UBR3: variants seen among roughly 807,000 people sequenced by gnomAD.
The protein encoded by UBR3 is E3 ubiquitin-protein ligase UBR3.
UBR3 carries 85 observed loss-of-function variants against 243.2 expected under a neutral mutation model. The ratio of observed to expected loss-of-function variants is 0.35; its 90% CI spans 0.29 to 0.42. The LOEUF is 0.42. Among genes scored for constraint, UBR3 ranks in the 10% least tolerant of loss-of-function variants. UBR3 has a pLI of 1.00. For synonymous variants in UBR3, 748 were observed against 799.8 expected (o/e 0.94, Z 1.09); for missense variants, 1,686 against 2,300.8 (o/e 0.73, Z 5.47).
chr2:169,858,833 C>G (rs1337258445), intron 1 of UBR3, among the ~76,000 whole-genome samples: 1 of 152,130 alleles, frequency 6.6e-6, no homozygotes, highest in African/African-American at 2.4e-5. Flanking sequence ...CTCCTGACCT[C>G]AAGTGATCCA....
intron 20 of UBR3, among the ~76,000 whole-genome samples, chr2:169,945,534 C>G (rs182434390): frequency 6.6e-6 from 1 of 152,228 alleles, no homozygotes; most frequent in African/African-American, 2.4e-5. Flanking sequence ...GCTATCTCGC[C>G]CACAATTAAA....
At chr2:169,834,569 A>G (rs1473954210) in intron 1 of UBR3, among the ~76,000 whole-genome samples, 1 of 152,232 alleles carries the variant, frequency 6.6e-6, no homozygotes, top group Non-Finnish European at 1.5e-5. Context: ...ATATGGTGGT[A>G]TCAGTGTTTC....
chr2:170,016,260 A>G (rs895790208), intron 30 of UBR3, among the ~76,000 whole-genome samples: 1 of 151,928 alleles, frequency 6.6e-6, no homozygotes, highest in South Asian at 2.1e-4. Context: ...AATTTCTAAC[A>G]TAAAAGCAAA....
At chr2:169,955,290 A>T (rs1402132952) in intron 23 of UBR3, among the ~76,000 whole-genome samples, 1 of 152,170 alleles carries the variant, frequency 6.6e-6, no homozygotes, top group African/African-American at 2.4e-5. Flanking sequence ...CCCAATTCAT[A>T]TCAACTTTAT....
At chr2:169,976,720 T>G (rs4667612) in intron 24 of UBR3, among the ~76,000 whole-genome samples, 29 of 152,020 alleles carry the variant, frequency 1.9e-4, no homozygotes, top group African/African-American at 5.6e-4. Context: ...CAATTTGACT[T>G]TGTTTGCCTT....
At chr2:169,864,861 C>T (rs1365700722) in intron 1 of UBR3, among the ~76,000 whole-genome samples, 7 of 147,014 alleles carry the variant, frequency 4.8e-5, no homozygotes, top group Non-Finnish European at 1.0e-4. Flanking sequence ...GAGCCAAGAT[C>T]GCGCCACTGC....
At chr2:170,045,891 A>G (rs1295815549) in intron 32 of UBR3, among the ~76,000 whole-genome samples, 2 of 152,122 alleles carry the variant, frequency 1.3e-5, no homozygotes, top group Non-Finnish European at 1.5e-5. Context: ...GAACACAATT[A>G]AAAATGAACA....
At position 169,861,192 on chromosome 2, in the gene UBR3, A is replaced by T. The variant is rs145471193; in HGVS notation, c.546-11044A>T. Among the ~76,000 whole-genome samples the T allele has an allele frequency of 3.3e-5, 5 of 152,310 alleles. No individual in the cohort carries two copies. In the South Asian group the frequency reaches 6.2e-4, roughly 19 times the overall value. On this transcript the variant is annotated intron_variant, in intron 1 of 38. Coordinates refer to ENST00000272793, the MANE Select transcript of UBR3 (RefSeq NM_172070.4). ...ACTCAAATGTTAATCTCCTTGGGCA[A>T]TACTCTCACAGATACACCCAGGAAC...
At chr2:169,838,784 A>G (rs770969525) in intron 1 of UBR3, among the ~76,000 whole-genome samples, 2 of 152,178 alleles carry the variant, frequency 1.3e-5, no homozygotes, top group Admixed American at 1.3e-4. Context: ...AGTCTCATCT[A>G]AACATCATTT....
chr2:170,014,096 A>C (rs2090163686), intron 29 of UBR3: 1 of 286,140 alleles, frequency 3.5e-6, no homozygotes, highest in Admixed American at 4.3e-5. Context: ...TATCGGTGTT[A>C]AATTGCTTTT....
chr2:169,940,086 T>A (rs575702160), intron 19 of UBR3, among the ~76,000 whole-genome samples: 8 of 152,318 alleles, frequency 5.3e-5, no homozygotes, highest in South Asian at 4.1e-4. Context: ...CATACATGTA[T>A]ACAATGTGTA....
intron 31 of UBR3, among the ~76,000 whole-genome samples, chr2:170,036,455 A>T (rs1026197539): frequency 2.0e-5 from 3 of 151,946 alleles, no homozygotes; most frequent in African/African-American, 7.2e-5. Context: ...GGCTATTTTT[A>T]TCTTATCAGC....
chr2:169,898,035 C>T (rs1481310055), intron 8 of UBR3, among the ~76,000 whole-genome samples: 7 of 152,172 alleles, frequency 4.6e-5, no homozygotes, highest in Admixed American at 3.3e-4. Flanking sequence ...AGAACTCTTA[C>T]TATTCTTAAC....
chr2:170,011,650 C>G (rs1005854613), intron 29 of UBR3, among the ~76,000 whole-genome samples: 1 of 133,060 alleles, frequency 7.5e-6, no homozygotes, highest in Non-Finnish European at 1.6e-5. Flanking sequence ...TTTTGTAAGA[C>G]AGTACATGTC....
intron 30 of UBR3, among the ~76,000 whole-genome samples, 159 bp from the exon 31 acceptor site, chr2:170,029,187 A>G (rs1199239738): frequency 2.0e-5 from 3 of 152,078 alleles, no homozygotes; most frequent in African/African-American, 4.8e-5. Flanking sequence ...AGAGGTTACC[A>G]TAAAAGAGAG....
Position 169,928,810 on chromosome 2 carries a change from T to C in UBR3, c.2508T>C (p.Phe836=), listed in dbSNP as rs1257669908. Residue 836 remains phenylalanine, a synonymous_variant, in exon 18 of 39, where the codon TTT becomes TTC. Transcript: ENST00000272793. The stretch of plus-strand genomic sequence containing the variant: ...CAGTTTTATCAGCTGTAGCTGATTT[T>C]AAGGCTCCTGTTTTTGAACCTGGAG... ...FESVLSAVAD[F]KAPVFEPGGS... The C allele has an allele frequency of 2.0e-6, 3 of 1,512,116 alleles. No individual in the cohort carries two copies. The East Asian group carries it at 7.4e-5, about 37-fold the overall frequency. The allele number at this position is 1,512,116 out of a possible 1,614,324, so 93.7% of individuals were successfully genotyped here. A position where few individuals can be genotyped will look rare whatever the true frequency, so the allele number is the denominator to read the frequency against.
At position 169,923,948 on chromosome 2, in the gene UBR3, C is replaced by G. The variant is rs1241867377; in HGVS notation, c.1886C>G (p.Thr629Ser). ...TTCCAGCCAGCACCTAACCAAGTCA[C>G]TTTTCATCTGCCACTACATCGTTAC... Reference protein sequence around the residue: ...FVDEPAPNQVTFHLPLHRYYA... With the variant: ...FVDEPAPNQVSFHLPLHRYYA... The change falls in exon 12 of 39, where the codon ACT becomes AGT. Residue 629 changes from threonine (T) to serine (S), a missense_variant. This residue lies in a region of UBR3 where 346 missense variants were observed against 585.8 expected (regional missense o/e 0.59). Transcript: ENST00000272793. 3 of 1,547,898 alleles carry G rather than the reference C, an allele frequency of 1.9e-6. No homozygotes were observed. The highest frequency in any genetic ancestry group is 2.6e-6 in the Non-Finnish European group (3 of 1,146,034).
intron 29 of UBR3, among the ~76,000 whole-genome samples, chr2:170,012,573 T>C (rs893770708): frequency 1.3e-5 from 2 of 152,078 alleles, no homozygotes; most frequent in African/African-American, 4.8e-5. Flanking sequence ...ATATAAAATA[T>C]GTGTAAGTCC....
intron 36 of UBR3, among the ~76,000 whole-genome samples, chr2:170,076,514 G>T (rs10930397): frequency 6.6e-6 from 1 of 151,974 alleles, no homozygotes; most frequent in East Asian, 1.9e-4. Context: ...CATTGTTCCT[G>T]TCATTTGTAC....
Sources: gnomAD v4.1 joint callset for allele counts (sites outside exome capture counted in the v4.1 genomes callset) on GRCh38, gnomAD v4.1.1 for gene constraint, gnomAD v4.1.1 regional missense constraint, MANE v1.5 for transcripts, NCBI Gene and HGNC (gene_info 2026-07-23, HGNC 2026-07-21) for gene names.